The following RAP1GAP2 variants were observed in gnomAD, a reference collection of about 807,000 sequenced individuals.
RAP1GAP2 encodes the protein rap1 GTPase-activating protein 2.
A neutral mutation model predicts 95.0 loss-of-function variants in RAP1GAP2; 27 were observed. That is an observed-to-expected ratio of 0.28 (90% CI 0.21 to 0.39). The LOEUF is 0.39. RAP1GAP2 is among the 10% of genes least tolerant of loss of function. The pLI, the probability that RAP1GAP2 is intolerant of heterozygous loss-of-function variation, is 1.00. For synonymous variants in RAP1GAP2, 373 were observed against 380.9 expected (o/e 0.98, Z 0.24); for missense variants, 771 against 970.0 (o/e 0.79, Z 2.72).
intron 3 of RAP1GAP2, among the ~76,000 whole-genome samples, chr17:2,916,161 G>C (rs2042560242): frequency 1.3e-5 from 2 of 152,092 alleles, no homozygotes; most frequent in African/African-American, 2.4e-5. Context: ...GAACTGCTTT[G>C]GTGCCTTAGT....
chr17:2,953,474 G>A (rs1041405644), intron 3 of RAP1GAP2, among the ~76,000 whole-genome samples: 6 of 152,296 alleles, frequency 3.9e-5, no homozygotes, highest in South Asian at 2.1e-4. Flanking sequence ...ATCTGTTGCT[G>A]TCTTTTTGAA....
At position 2,986,538 on chromosome 17, in the gene RAP1GAP2, T is replaced by TA. The variant is rs201883812; in HGVS notation, c.813+1474dup. Among the ~76,000 whole-genome samples the TA allele has an allele frequency of 3.5e-3, 487 of 139,846 alleles. 2 individuals carry two copies. Among genetic ancestry groups the TA allele is most frequent in the African/African-American group, 5.9e-3 (215 of 36,738 alleles). The allele number at this position is 139,846 out of a possible 152,430, so 91.7% of individuals were successfully genotyped here. A position where few individuals can be genotyped will look rare whatever the true frequency, so the allele number is the denominator to read the frequency against. On this transcript the variant is annotated intron_variant, in intron 11 of 24. Transcript: ENST00000254695. ...GCTGTGGAGGAAAAAGCCAAGAAGA[T>TA]AATTTTTTTTTTTTTTTTTAAGAAC... is the stretch of plus-strand genomic sequence containing the variant.
intron 2 of RAP1GAP2, among the ~76,000 whole-genome samples, chr17:2,807,874 TAG>T (rs1478296697): frequency 6.6e-6 from 1 of 152,020 alleles, no homozygotes; most frequent in East Asian, 1.9e-4. Flanking sequence ...CTGGAGGGGT[TAG>T]AGAGGAGGCA....
intron 2 of RAP1GAP2, among the ~76,000 whole-genome samples, chr17:2,816,314 T>A (rs6502536): frequency 0.016 from 2,355 of 150,872 alleles, 22 homozygotes; most frequent in Middle Eastern, 0.099. Flanking sequence ...TTAACATTTT[T>A]TCTCATTTTC....
intron 8 of RAP1GAP2, among the ~76,000 whole-genome samples, chr17:2,978,483 G>A (rs931169685): frequency 6.6e-5 from 10 of 152,170 alleles, no homozygotes; most frequent in Admixed American, 5.9e-4. Context: ...GAGTGGGATG[G>A]TGGAAGATTT....
chr17:2,811,822 G>A (rs909009840), intron 2 of RAP1GAP2, among the ~76,000 whole-genome samples: 2 of 151,866 alleles, frequency 1.3e-5, no homozygotes, highest in Non-Finnish European at 2.9e-5. Flanking sequence ...CAGGTGATCC[G>A]CCCACCTCTG....
chr17:3,032,553 C>T (rs377466092), intron 24 of RAP1GAP2, 104 bp downstream of exon 24: 62 of 1,140,852 alleles, frequency 5.4e-5, no homozygotes, highest in Admixed American at 1.9e-4. Flanking sequence ...GGAGAGATGC[C>T]GCCAGCTGGG....
At chr17:2,974,765 T>C (rs2151519059) in intron 8 of RAP1GAP2, among the ~76,000 whole-genome samples, 1 of 151,890 alleles carries the variant, frequency 6.6e-6, no homozygotes, top group African/African-American at 2.4e-5. Flanking sequence ...GAAAAAAATA[T>C]AAATAGGTGT....
At chr17:2,786,847 A>G (rs1428254499) in intron 1 of RAP1GAP2, among the ~76,000 whole-genome samples, 1 of 149,766 alleles carries the variant, frequency 6.7e-6, no homozygotes, top group African/African-American at 2.5e-5. Flanking sequence ...GGGTTTCACC[A>G]TCTTGGCAGG....
chr17:2,939,804 A>ACG (rs2043424465), intron 3 of RAP1GAP2, among the ~76,000 whole-genome samples: 1 of 152,208 alleles, frequency 6.6e-6, no homozygotes, highest in South Asian at 2.1e-4. Flanking sequence ...TGCCCTTATG[A>ACG]CGTAAGACGT....
intron 2 of RAP1GAP2, among the ~76,000 whole-genome samples, chr17:2,850,161 C>G (rs1041049001): frequency 1.3e-5 from 2 of 151,532 alleles, no homozygotes; most frequent in African/African-American, 2.4e-5. Flanking sequence ...CCACCACGCC[C>G]GGCTAATTTT....
rs754931216 is a variant in RAP1GAP2, at chr17:2,965,564, G to A, written c.517G>A (p.Gly173Ser). ...GGATCATCTAAACTTTTACTGTACC[G>A]GCAGCAGCCTGGGGAACTTGATCCT... is the stretch of plus-strand genomic sequence containing the variant. ...GKDHLNFYCT[G>S]SSLGNLILSV... The change falls in exon 8 of 25, where the codon GGC becomes AGC. Residue 173 changes from glycine (G) to serine (S), a missense_variant. Gly to Ser is a moderately conservative substitution (Grantham distance 56). Transcript: ENST00000254695. The surrounding 1 kb of genome is among the most constrained non-coding windows in gnomAD (Gnocchi z 4.7). 7.4e-6 allele frequency: 12 copies of A among 1,612,480 alleles called. No homozygotes were observed. The highest frequency in any genetic ancestry group is 2.2e-5 in the East Asian group (1 of 44,842).
chr17:2,842,529 C>CCA (rs2071410233), intron 2 of RAP1GAP2, among the ~76,000 whole-genome samples: 1 of 78,066 alleles, frequency 1.3e-5, no homozygotes, highest in Non-Finnish European at 2.6e-5. Context: ...GATTCCGTCT[C>CCA]AAAAAAAAAA....
At chr17:2,947,260 C>T (rs565323727) in intron 3 of RAP1GAP2, among the ~76,000 whole-genome samples, 42 of 57,302 alleles carry the variant, frequency 7.3e-4, no homozygotes, top group Admixed American at 5.0e-3. Context: ...GGTGGCTTGG[C>T]GGGGGTGGTG....
At chr17:3,030,063 TATATACATATA>T (rs2047242512) in intron 22 of RAP1GAP2, among the ~76,000 whole-genome samples, 1 of 147,940 alleles carries the variant, frequency 6.8e-6, no homozygotes, top group East Asian at 1.9e-4. Context: ...ACATATATAG[TATATACATATA>T]ATATACATAT....
chr17:2,991,123 C>G (rs1363210913), intron 11 of RAP1GAP2, among the ~76,000 whole-genome samples, 174 bp from the exon 12 acceptor site: 1 of 152,092 alleles, frequency 6.6e-6, no homozygotes, highest in Non-Finnish European at 1.5e-5. Flanking sequence ...GGGAGTGAGT[C>G]TCCATCAGTC....
At position 3,020,549 on chromosome 17, in the gene RAP1GAP2, C is replaced by T. The variant is rs1056218446; in HGVS notation, c.1705C>T (p.Arg569Cys). ...CAAGCGACGCTCGGGGCTCTTCCCC[C>T]GCCTGCACACGGGCTCAGAAGGCCA... The part of the protein sequence containing the change: ...PIKRRSGLFP[R>C]LHTGSEGQGD... The change falls in exon 19 of 25, where the codon CGC becomes TGC. Residue 569 changes from arginine to cysteine, a missense_variant. Physicochemically the swap from Arg to Cys is radical, Grantham distance 180. Coordinates refer to ENST00000254695, the MANE Select transcript of RAP1GAP2 (RefSeq NM_015085.5). 15 of 1,613,818 alleles carry T rather than the reference C, an allele frequency of 9.3e-6. No individual in the cohort carries two copies. The highest frequency in any genetic ancestry group is 1.3e-5 in the African/African-American group (1 of 74,940).
chr17:2,862,773 G>A (rs1016882461), intron 2 of RAP1GAP2, among the ~76,000 whole-genome samples: 2 of 152,052 alleles, frequency 1.3e-5, no homozygotes, highest in Non-Finnish European at 2.9e-5. Flanking sequence ...CAAGGCGGGC[G>A]GATCACTCAA....
At chr17:2,982,341 T>C (rs1449308932) in intron 10 of RAP1GAP2, among the ~76,000 whole-genome samples, 6 of 152,214 alleles carry the variant, frequency 3.9e-5, no homozygotes, top group Non-Finnish European at 7.3e-5. Flanking sequence ...CGTTTCACCA[T>C]GTTGGCCAGG....
Sources: allele counts gnomAD v4.1 joint callset (sites outside exome capture counted in the v4.1 genomes callset), GRCh38; gene constraint gnomAD v4.1.1; non-coding constraint Gnocchi (gnomAD v3.1); transcripts MANE v1.5; gene names NCBI Gene and HGNC (gene_info 2026-07-23, HGNC 2026-07-21).